The following EPHA8 variants were observed in gnomAD, a reference collection of about 807,000 sequenced individuals.
EPHA8 encodes EPH receptor A8.
EPHA8 carries 58 observed loss-of-function variants against 103.6 expected under a neutral mutation model. The observed-to-expected ratio is 0.56, with a 90% CI of 0.45 to 0.70. EPHA8 has a LOEUF of 0.70. EPHA8 is among the 30% of genes least tolerant of loss of function. The probability of loss-of-function intolerance (pLI) is 0.00; values close to 1 mark genes in which losing one functional copy is unlikely to be tolerated. For synonymous variants in EPHA8, 559 were observed against 572.5 expected, an observed-to-expected ratio of 0.98 and a Z score of 0.34; for missense variants, 1,304 against 1,395.2, an observed-to-expected ratio of 0.93 and a Z score of 1.04.
At position 22,601,029 on chromosome 1, in the gene EPHA8, T is replaced by C. The variant is rs1206683167; in HGVS notation, c.2670T>C (p.Ser890=). ...AQRPRFSQIV[S]VLDALIRSPE... Reference sequence around the variant, plus strand: ...GGCCTCGCTTCTCCCAGATTGTCAGTGTCCTCGATGCGCTCATCCGCAGCC... The same window carrying C: ...GGCCTCGCTTCTCCCAGATTGTCAGCGTCCTCGATGCGCTCATCCGCAGCC... Residue 890 remains serine (S), a synonymous_variant, in exon 15 of 17, where the codon AGT becomes AGC. Coordinates refer to ENST00000166244, the MANE Select transcript of EPHA8 (RefSeq NM_020526.5). 2 of 1,612,778 alleles carry C rather than the reference T, an allele frequency of 1.2e-6. No individual in the cohort carries two copies. The highest frequency in any genetic ancestry group is 1.7e-6 in the Non-Finnish European group (2 of 1,179,866).
Position 22,569,949 on chromosome 1 carries a change from G to A in EPHA8, c.159+596G>A, listed in dbSNP as rs780914381. ...AGGGCAGTAGAGTAGGAGTGAGCCC[G>A]CGAGCCTGGTGAGATCCCAGCTCTG... On this transcript the variant is annotated intron_variant, in intron 2 of 16. Transcript: ENST00000166244. The surrounding 1 kb of genome is among the most constrained non-coding windows in gnomAD (Gnocchi z 4.5). Among the ~76,000 whole-genome samples the A allele has an allele frequency of 3.3e-5, 5 of 152,242 alleles. No individual in the cohort carries two copies. Among genetic ancestry groups the A allele is most frequent in the South Asian group, 4.2e-4 (2 of 4,806 alleles).
At chr1:22,579,837 A>G (rs912069140) in intron 3 of EPHA8, among the ~76,000 whole-genome samples, 16 of 152,162 alleles carry the variant, frequency 1.1e-4, no homozygotes, top group African/African-American at 3.6e-4. Context: ...GCTGCTGGGA[A>G]TATGCTTCTA....
rs565273445 is a variant in EPHA8 at position 22,568,806 on chromosome 1, C to G, written c.95-483C>G. Among the ~76,000 whole-genome samples the G allele has an allele frequency of 2.6e-5, 4 of 152,346 alleles. No individual in the cohort carries two copies. In the East Asian group the frequency reaches 7.7e-4, roughly 29 times the overall value. On this transcript the variant is annotated intron_variant, in intron 1 of 16. Transcript: ENST00000166244. ...TTGCAGCATGGACCTTGAATGCCAT[C>G]ATGGCTCTTACAGGAGACAAGGGTC...
intron 9 of EPHA8, among the ~76,000 whole-genome samples, chr1:22,596,878 G>A (rs976747004): frequency 6.6e-5 from 10 of 152,006 alleles, no homozygotes; most frequent in Non-Finnish European, 1.3e-4. Flanking sequence ...GGCTGGTCTC[G>A]AACTCTTGAC....
chr1:22,595,105 C>T, intron 7 of EPHA8, 125 bp from the exon 8 acceptor site: 1 of 672,066 alleles, frequency 1.5e-6, no homozygotes, highest in Non-Finnish European at 2.4e-6. Context: ...TCTGGGCTGG[C>T]TCATGGCTCT....
chr1:22,581,512 G>A (rs953845410), intron 3 of EPHA8, among the ~76,000 whole-genome samples: 1 of 152,186 alleles, frequency 6.6e-6, no homozygotes, highest in Admixed American at 6.5e-5. Flanking sequence ...TCCCTGTGTG[G>A]CAGAAGAGGG....
intron 2 of EPHA8, among the ~76,000 whole-genome samples, chr1:22,570,285 C>T (rs547417065): frequency 2.6e-5 from 4 of 151,888 alleles, no homozygotes; most frequent in Non-Finnish European, 2.9e-5. Flanking sequence ...CATGCACGCG[C>T]GTACACACAC....
intron 3 of EPHA8, among the ~76,000 whole-genome samples, chr1:22,580,430 C>T (rs202021201): frequency 1.3e-5 from 2 of 152,154 alleles, no homozygotes; most frequent in East Asian, 1.9e-4. Context: ...TGAGCTACCA[C>T]GTCCAACTCG....
intron 7 of EPHA8, among the ~76,000 whole-genome samples, chr1:22,594,374 A>C (rs1390831139): frequency 6.6e-6 from 1 of 152,234 alleles, no homozygotes; most frequent in Non-Finnish European, 1.5e-5. Context: ...GCTGGTACTG[A>C]GATGAGTGTC....
intron 9 of EPHA8, among the ~76,000 whole-genome samples, chr1:22,596,689 TCTCA>T (rs978818059): frequency 2.6e-5 from 4 of 151,486 alleles, no homozygotes; most frequent in Non-Finnish European, 5.9e-5. Context: ...TGAGACAGAG[TCTCA>T]CTCTGTTGCC....
At chr1:22,574,050 C>T (rs903014528) in intron 2 of EPHA8, among the ~76,000 whole-genome samples, 1 of 152,244 alleles carries the variant, frequency 6.6e-6, no homozygotes, top group Non-Finnish European at 1.5e-5. Context: ...ACAATCTCAG[C>T]TCACTGCAAA....
chr1:22,599,118 A>G lies in EPHA8; in HGVS notation c.2388+71A>G, dbSNP rs1641607495. Reference sequence around the variant, plus strand: ...TGGCGCCGGTGGCACCCAGGGCCCAACCATTCTGCAAGTAGCTGAATGAAG... The same window carrying G: ...TGGCGCCGGTGGCACCCAGGGCCCAGCCATTCTGCAAGTAGCTGAATGAAG... On this transcript the variant is annotated intron_variant, in intron 13 of 16. Transcript: ENST00000166244. The G allele has an allele frequency of 2.3e-5, 35 of 1,496,664 alleles. No homozygotes were observed. In the East Asian group the frequency reaches 7.9e-4, roughly 34 times the overall value. 92.7% of individuals were successfully genotyped at this position (1,496,664 alleles called of 1,614,324 possible).
At chr1:22,578,315 T>A (rs1193756565) in intron 3 of EPHA8, among the ~76,000 whole-genome samples, 1 of 151,114 alleles carries the variant, frequency 6.6e-6, no homozygotes, top group Non-Finnish European at 1.5e-5. Context: ...TGTGTGCATA[T>A]GTATGCATGT....
rs570340378 is a variant in EPHA8, at chr1:22,576,987, A to G, written c.823+107A>G. ...GTCAGAGCCCACAGGCACCTGAGTGACCCACACAGCCCCTGGGAAGATGGA... is the reference window on the plus strand; with the variant it reads ...GTCAGAGCCCACAGGCACCTGAGTGGCCCACACAGCCCCTGGGAAGATGGA... On this transcript the variant is annotated intron_variant, in intron 3 of 16. Coordinates refer to ENST00000166244, the MANE Select transcript of EPHA8 (RefSeq NM_020526.5). The surrounding 1 kb of genome is among the most constrained non-coding windows in gnomAD (Gnocchi z 4.8). The G allele has an allele frequency of 1.1e-5, 14 of 1,274,326 alleles. No individual in the cohort carries two copies. The highest frequency in any genetic ancestry group is 7.4e-6 in the Non-Finnish European group (7 of 947,864). The allele number at this position is 1,274,326 out of a possible 1,614,324, so 78.9% of individuals were successfully genotyped here.
At chr1:22,578,242 ATGTGTG>A (rs199895912) in intron 3 of EPHA8, among the ~76,000 whole-genome samples, 16 of 115,600 alleles carry the variant, frequency 1.4e-4, no homozygotes, top group South Asian at 1.1e-3. Flanking sequence ...GTATGTGTGC[ATGTGTG>A]TGTCTGTATA....
At chr1:22,578,923 TTATGTGTGCATGTGTG>T (rs1557561938) in intron 3 of EPHA8, among the ~76,000 whole-genome samples, 1 of 142,994 alleles carries the variant, frequency 7.0e-6, no homozygotes, top group East Asian at 2.2e-4. Context: ...GCATGTGCGT[TTATGTGTGCATGTGTG>T]TATGTATGCA....
intron 13 of EPHA8, among the ~76,000 whole-genome samples, chr1:22,599,716 AAGGGAGGGAGGGAAGGAAGG>A (rs796419014): frequency 0.15 from 428 of 2,828 alleles, 19 homozygotes; most frequent in Non-Finnish European, 0.19. Flanking sequence ...GGAGGGAAGG[AAGGGAGGGAGGGAAGGAAGG>A]AGGGAGGGAG....
Position 22,582,334 on chromosome 1 carries a change from G to A in EPHA8, c.824-4146G>A, listed in dbSNP as rs1349292389. On this transcript the variant is annotated intron_variant, in intron 3 of 16. Transcript: ENST00000166244. ...CTAGTGACAGGAGCAGGGGTTGAGA[G>A]CCTGAGACCCACAGCAGGGGCCAGG... Among the ~76,000 whole-genome samples, 14 of 152,200 alleles carry A rather than the reference G, an allele frequency of 9.2e-5. No homozygotes were observed. The East Asian group carries it at 2.7e-3, about 29-fold the overall frequency.
chr1:22,565,346 C>T (rs1466516873), intron 1 of EPHA8, among the ~76,000 whole-genome samples: 3 of 152,040 alleles, frequency 2.0e-5, no homozygotes, highest in East Asian at 3.9e-4. Flanking sequence ...AGAGCAGGGC[C>T]GGGTGGGTGT....
Sources: gnomAD v4.1 joint callset for allele counts (sites outside exome capture counted in the v4.1 genomes callset) on GRCh38, gnomAD v4.1.1 for gene constraint, Gnocchi (gnomAD v3.1) non-coding constraint, MANE v1.5 for transcripts, NCBI Gene and HGNC (gene_info 2026-07-23, HGNC 2026-07-21) for gene names.